The following MTHFD2L variants were observed in gnomAD, a reference collection of about 807,000 sequenced individuals.
MTHFD2L encodes methylenetetrahydrofolate dehydrogenase (NADP+ dependent) 2 like.
In MTHFD2L, 29 loss-of-function variants were observed where a neutral mutation model predicts 34.9. That is an observed-to-expected ratio of 0.83 (90% CI 0.62 to 1.13). MTHFD2L has a LOEUF of 1.13. Ranked by LOEUF, MTHFD2L falls within the 50% of genes most tolerant of loss-of-function variation. The pLI is 0.00. For synonymous variants in MTHFD2L, 167 were observed against 155.7 expected (o/e 1.07, Z -0.54); for missense variants, 481 against 446.5 (o/e 1.08, Z -0.70).
chr4:74,262,540 A>G (rs1354638980), intron 6 of MTHFD2L, among the ~76,000 whole-genome samples: 1 of 152,148 alleles, frequency 6.6e-6, no homozygotes. Flanking sequence ...TTTTAAAAAT[A>G]TGGTTGAAAA....
intron 6 of MTHFD2L, among the ~76,000 whole-genome samples, chr4:74,275,307 C>T (rs1430757883): frequency 6.6e-6 from 1 of 152,078 alleles, no homozygotes; most frequent in Non-Finnish European, 1.5e-5. Context: ...TAGTATTCCA[C>T]AGTGTATATT....
intron 6 of MTHFD2L, among the ~76,000 whole-genome samples, chr4:74,243,649 A>T (rs1490178902): frequency 6.6e-6 from 1 of 151,626 alleles, no homozygotes; most frequent in Non-Finnish European, 1.5e-5. Flanking sequence ...CATGTTTTTC[A>T]TGTTGCTAAA....
At chr4:74,196,961 A>C (rs952027592) in intron 3 of MTHFD2L, among the ~76,000 whole-genome samples, 6 of 151,852 alleles carry the variant, frequency 4.0e-5, no homozygotes, top group African/African-American at 1.2e-4. Flanking sequence ...AAAAAAAAAA[A>C]AACCCATACA....
At chr4:74,127,716 T>C (rs1244159460) in intron 1 of MTHFD2L, among the ~76,000 whole-genome samples, 2 of 152,188 alleles carry the variant, frequency 1.3e-5, no homozygotes, top group Non-Finnish European at 2.9e-5. Flanking sequence ...AATATGGGAT[T>C]GCAGATACCT....
At chr4:74,286,408 T>C (rs1167562889) in intron 7 of MTHFD2L, among the ~76,000 whole-genome samples, 1 of 152,172 alleles carries the variant, frequency 6.6e-6, no homozygotes, top group Admixed American at 6.6e-5. Context: ...CCATTTTCTA[T>C]TGTAGCTTAG....
At chr4:74,136,237 A>T (rs1343684011) in intron 1 of MTHFD2L, among the ~76,000 whole-genome samples, 1 of 152,026 alleles carries the variant, frequency 6.6e-6, no homozygotes, top group Non-Finnish European at 1.5e-5. Flanking sequence ...TAAAGACTCT[A>T]CCAAAAAAAA....
intron 5 of MTHFD2L, among the ~76,000 whole-genome samples, chr4:74,205,172 A>G (rs1009925014): frequency 2.6e-5 from 4 of 152,180 alleles, no homozygotes; most frequent in Admixed American, 1.3e-4. Context: ...GAGGAGTATG[A>G]TGACATGTAT....
chr4:74,143,440 C>A, intron 1 of MTHFD2L: 1 of 985,386 alleles, frequency 1.0e-6, no homozygotes, highest in Non-Finnish European at 1.2e-6. Context: ...CTCCAATTTT[C>A]ACGCTGAGTT....
At chr4:74,166,565 C>A (rs1305587734) in intron 1 of MTHFD2L, among the ~76,000 whole-genome samples, 1 of 152,202 alleles carries the variant, frequency 6.6e-6, no homozygotes, top group Non-Finnish European at 1.5e-5. Context: ...GTCCCTACTC[C>A]CATTTGGTCT....
intron 7 of MTHFD2L, 136 bp from the exon 8 acceptor site, chr4:74,301,561 G>C (rs968860605): frequency 1.9e-6 from 1 of 539,284 alleles, no homozygotes; most frequent in East Asian, 3.1e-5. Flanking sequence ...GTGTGTGTCT[G>C]TTTATTACAG....
intron 6 of MTHFD2L, among the ~76,000 whole-genome samples, chr4:74,244,193 A>T (rs1001388745): frequency 6.6e-6 from 1 of 152,136 alleles, no homozygotes; most frequent in Admixed American, 6.5e-5. Context: ...CCATCTATTT[A>T]TTTGTTACAT....
intron 5 of MTHFD2L, among the ~76,000 whole-genome samples, chr4:74,221,989 T>A (rs1344563664): frequency 1.3e-5 from 2 of 151,928 alleles, no homozygotes; most frequent in East Asian, 3.8e-4. Flanking sequence ...GTCTCCGACC[T>A]GCTATTTGCC....
At chr4:74,208,070 A>G (rs1397078987) in intron 5 of MTHFD2L, among the ~76,000 whole-genome samples, 2 of 152,096 alleles carry the variant, frequency 1.3e-5, no homozygotes, top group Non-Finnish European at 2.9e-5. Context: ...TCTAACTGGG[A>G]CAGGGGATGG....
intron 1 of MTHFD2L, among the ~76,000 whole-genome samples, chr4:74,162,667 A>C (rs906050617): frequency 6.6e-6 from 1 of 152,178 alleles, no homozygotes; most frequent in African/African-American, 2.4e-5. Context: ...TTGCATATAC[A>C]GTATGTCCTT....
intron 3 of MTHFD2L, among the ~76,000 whole-genome samples, chr4:74,186,635 A>C (rs1026961610): frequency 3.3e-5 from 5 of 152,132 alleles, no homozygotes; most frequent in Non-Finnish European, 7.4e-5. Context: ...GATGGGGAAA[A>C]CCTATATATA....
chr4:74,220,759 G>T (rs1315159708), intron 5 of MTHFD2L, among the ~76,000 whole-genome samples: 1 of 151,392 alleles, frequency 6.6e-6, no homozygotes, highest in Non-Finnish European at 1.5e-5. Context: ...ATTTACATCT[G>T]TATATTTTAT....
intron 1 of MTHFD2L, among the ~76,000 whole-genome samples, chr4:74,141,971 A>C (rs921983437): frequency 1.3e-5 from 2 of 152,222 alleles, no homozygotes. Context: ...ATGTGAAATG[A>C]AATATGTAAA....
chr4:74,122,057 T>G (rs2109776561), upstream of MTHFD2L, among the ~76,000 whole-genome samples: 2 of 152,290 alleles, frequency 1.3e-5, 1 homozygote, highest in South Asian at 4.1e-4. Context: ...ACAGCAGCCC[T>G]AGCAAACTAA....
At chr4:74,144,442 G>C (rs938316566) in intron 1 of MTHFD2L, among the ~76,000 whole-genome samples, 1 of 152,094 alleles carries the variant, frequency 6.6e-6, no homozygotes, top group Admixed American at 6.6e-5. Flanking sequence ...GACAAGGTGA[G>C]ACTGTCTCAA....
Sources: gnomAD v4.1 joint callset for allele counts (sites outside exome capture counted in the v4.1 genomes callset) on GRCh38, gnomAD v4.1.1 for gene constraint, MANE v1.5 for transcripts, NCBI Gene and HGNC (gene_info 2026-07-23, HGNC 2026-07-21) for gene names.